The following MAK variants were observed in gnomAD, a reference collection of about 807,000 sequenced individuals.
MAK encodes the protein male germ cell associated kinase.
MAK carries 65 observed loss-of-function variants against 82.6 expected under a neutral mutation model. The ratio of observed to expected loss-of-function variants is 0.79; its 90% confidence interval spans 0.64 to 0.97. The LOEUF is 0.97. Among genes scored for constraint, MAK ranks in the 50% least tolerant of loss-of-function variants. The probability of loss-of-function intolerance (pLI) is 0.00; values close to 1 mark genes in which losing one functional copy is unlikely to be tolerated. For missense variants in MAK, 703 were observed against 780.2 expected (o/e 0.90, Z 1.18); for synonymous variants, 250 against 274.2 (o/e 0.91, Z 0.87).
intron 6 of MAK, among the ~76,000 whole-genome samples, chr6:10,806,739 C>T (rs763018243): frequency 4.6e-5 from 7 of 151,848 alleles, no homozygotes; most frequent in East Asian, 1.9e-4. Flanking sequence ...GTGATCCACC[C>T]GTCCTGGCCT....
intron 11 of MAK, among the ~76,000 whole-genome samples, chr6:10,781,368 A>C (rs1773950654): frequency 1.3e-5 from 2 of 152,232 alleles, no homozygotes; most frequent in South Asian, 4.1e-4. Flanking sequence ...AACTATAGTC[A>C]GGAAAATTTG....
intron 2 of MAK, among the ~76,000 whole-genome samples, chr6:10,830,205 A>G (rs1247788362): frequency 6.7e-6 from 1 of 149,286 alleles, no homozygotes. Context: ...TCACTGTATC[A>G]CCCAGGCTGG....
chr6:10,818,904 C>T lies in MAK; in HGVS notation c.138G>A (p.Met46Ile), dbSNP rs779850347. 11 of 1,589,898 alleles carry T rather than the reference C, an allele frequency of 6.9e-6. No individual in the cohort carries two copies. The highest frequency in any genetic ancestry group is 8.6e-6 in the Non-Finnish European group (10 of 1,158,770). ...ATTTTACCTTAACTTCTCTCAAGTT[C>T]ATGCATTCATCCCAAGAATAGAACT... is the stretch of plus-strand genomic sequence containing the variant. ...KRKFYSWDEC[M>I]NLREVKSLKK... The change falls in exon 3 of 15, where the codon ATG (methionine) becomes ATA (isoleucine). Residue 46 changes from methionine to isoleucine, a missense_variant. Transcript: ENST00000354489.
chr6:10,801,243 T>C (rs1775995303), intron 8 of MAK, among the ~76,000 whole-genome samples: 1 of 152,238 alleles, frequency 6.6e-6, no homozygotes, highest in Admixed American at 6.5e-5. Context: ...AAAATAAATT[T>C]TTGTAATTTT....
chr6:10,782,202 TCACACACACACA>T (rs746386493), intron 11 of MAK, among the ~76,000 whole-genome samples: 9,443 of 145,890 alleles, frequency 0.065, 345 homozygotes, highest in Middle Eastern at 0.13. Context: ...TGAAACTCTG[TCACACACACACA>T]CACACACACA....
Position 10,808,933 on chromosome 6 carries a change from T to A in MAK, c.368A>T (p.His123Leu), listed in dbSNP as rs1776708773. The change falls in exon 6 of 15, where the codon CAT becomes CTT. Residue 123 changes from histidine to leucine, a missense_variant. His to Leu is a moderately conservative substitution (Grantham distance 99). Transcript: ENST00000354489. Reference protein sequence around the residue: ...LAFIHKHGFFHRDMKPENLLC... With the variant: ...LAFIHKHGFFLRDMKPENLLC... ...CAAGTTTTCTGGTTTCATGTCCCTA[T>A]GAAAAAAGCCTTGATGATATACGGA... 5 of 1,613,300 alleles carry A rather than the reference T, an allele frequency of 3.1e-6. No homozygotes were observed. In the East Asian group the frequency reaches 6.7e-5, roughly 22 times the overall value.
intron 12 of MAK, among the ~76,000 whole-genome samples, chr6:10,774,594 T>C (rs868540189): frequency 6.6e-6 from 1 of 152,216 alleles, no homozygotes; most frequent in African/African-American, 2.4e-5. Context: ...AAAATTCATA[T>C]ACTGATCTCA....
At chr6:10,782,679 G>A (rs1396917880) in intron 11 of MAK, among the ~76,000 whole-genome samples, 1 of 150,396 alleles carries the variant, frequency 6.6e-6, no homozygotes, top group Non-Finnish European at 1.5e-5. Flanking sequence ...CCTGGGTCAA[G>A]CAATTCTCCT....
chr6:10,771,724 C>T (rs919569577), intron 13 of MAK, among the ~76,000 whole-genome samples: 1 of 152,176 alleles, frequency 6.6e-6, no homozygotes, highest in Non-Finnish European at 1.5e-5. Context: ...GTTATCAGCC[C>T]CTAAAGGGTT....
In MAK at chr6:10,786,114, G is replaced by A. The variant is rs536351167; in HGVS notation, c.1317-1542C>T. Among the ~76,000 whole-genome samples the A allele has an allele frequency of 1.2e-4, 18 of 152,074 alleles. No homozygotes were observed. In the East Asian group the frequency reaches 2.1e-3, roughly 18 times the overall value. On this transcript the variant is annotated intron_variant, in intron 10 of 14. Coordinates refer to ENST00000354489, the MANE Select transcript of MAK (RefSeq NM_001242957.3). ...ACAAAAATTAGCTGGGCATGGTGGCGGCCACCTGTAATCCCAGCTACTTGG... is the reference window on the plus strand; with the variant it reads ...ACAAAAATTAGCTGGGCATGGTGGCAGCCACCTGTAATCCCAGCTACTTGG...
At chr6:10,809,087 T>C in intron 5 of MAK, 145 bp from the exon 6 acceptor site, 4 of 798,740 alleles carry the variant, frequency 5.0e-6, no homozygotes, top group South Asian at 4.9e-5. Flanking sequence ...ATATTTATTG[T>C]CTAAGAAGTA....
chr6:10,797,539 C>T, intron 8 of MAK: 3 of 968,274 alleles, frequency 3.1e-6, no homozygotes, highest in Non-Finnish European at 2.5e-6. Context: ...AAGGCTAAAA[C>T]CGAAAAAATA....
chr6:10,794,129 A>G (rs889630411), intron 9 of MAK, among the ~76,000 whole-genome samples: 1 of 152,240 alleles, frequency 6.6e-6, no homozygotes, highest in African/African-American at 2.4e-5. Flanking sequence ...CTGCCTTTCT[A>G]GAAAAGTGAT....
intron 5 of MAK, among the ~76,000 whole-genome samples, chr6:10,809,354 G>GT (rs1776743601): frequency 6.6e-6 from 1 of 152,164 alleles, no homozygotes; most frequent in African/African-American, 2.4e-5. Context: ...TAATTAACGT[G>GT]TGAGAAGTGT....
Position 10,776,815 on chromosome 6 carries a change from G to A in MAK, c.1466-1356C>T, listed in dbSNP as rs759656666. On this transcript the variant is annotated intron_variant, in intron 11 of 14. Transcript: ENST00000354489. This position sits in a 1 kb window ranked among gnomAD's most constrained non-coding sequence, Gnocchi z 4.3. ...TTATAGGCAACTACCAGCTGGGTGCGGTGGCTCATGCCTGTAATCCCAGCA... is the reference window on the plus strand; with the variant it reads ...TTATAGGCAACTACCAGCTGGGTGCAGTGGCTCATGCCTGTAATCCCAGCA... Among the ~76,000 whole-genome samples the A allele has an allele frequency of 9.2e-5, 14 of 152,028 alleles. No individual in the cohort carries two copies. Among genetic ancestry groups the A allele is most frequent in the African/African-American group, 2.9e-4 (12 of 41,402 alleles).
At chr6:10,799,843 T>C (rs1402385551) in intron 8 of MAK, among the ~76,000 whole-genome samples, 1 of 150,044 alleles carries the variant, frequency 6.7e-6, no homozygotes, top group Non-Finnish European at 1.5e-5. Context: ...AGGTCAGGAG[T>C]TCAAGATCAG....
At chr6:10,809,467 A>G (rs1042900513) in intron 5 of MAK, among the ~76,000 whole-genome samples, 2 of 152,178 alleles carry the variant, frequency 1.3e-5, no homozygotes, top group Admixed American at 1.3e-4. Flanking sequence ...CTGGGACCAC[A>G]GGTGCATGCC....
At position 10,796,327 on chromosome 6, in the gene MAK, AAAC is replaced by A; in HGVS notation, c.832-21_832-19del. 2.5e-6 allele frequency: 4 copies of A among 1,600,154 alleles called. No homozygotes were observed. The highest frequency in any genetic ancestry group is 1.1e-5 in the South Asian group (1 of 90,886). On this transcript the variant is annotated intron_variant, in intron 8 of 14. Coordinates refer to ENST00000354489, the MANE Select transcript of MAK (RefSeq NM_001242957.3). ...TTCAATGCCTATAAAAACACAGAGA[AAAC>A]AACAAATGGAAAACAGTTCCACCTA...
chr6:10,784,640 T>C (rs1217105655), intron 10 of MAK, 68 bp from the exon 11 acceptor site: 1 of 1,459,016 alleles, frequency 6.9e-7, no homozygotes, highest in Non-Finnish European at 9.6e-7. Flanking sequence ...CCTCTGCACA[T>C]CTCGCCCACC....
Sources: allele counts gnomAD v4.1 joint callset (sites outside exome capture counted in the v4.1 genomes callset), GRCh38; gene constraint gnomAD v4.1.1; non-coding constraint Gnocchi (gnomAD v3.1); transcripts MANE v1.5; gene names NCBI Gene and HGNC (gene_info 2026-07-23, HGNC 2026-07-21).